The following CNTNAP2 variants were observed in gnomAD, a reference collection of about 807,000 sequenced individuals.
CNTNAP2 encodes contactin-associated protein-like 2.
A neutral mutation model predicts 155.2 loss-of-function variants in CNTNAP2; 98 were observed. The ratio of observed to expected loss-of-function variants is 0.63; its 90% CI spans 0.54 to 0.75. The LOEUF is 0.75. Ranked by LOEUF, CNTNAP2 falls within the 30% of genes least tolerant of loss-of-function variation. The pLI, the probability that CNTNAP2 is intolerant of heterozygous loss-of-function variation, is 0.00. For missense variants in CNTNAP2, 1,727 were observed against 1,688.1 expected (o/e 1.02, Z -0.40); for synonymous variants, 651 against 631.2 (o/e 1.03, Z -0.47).
intron 1 of CNTNAP2, among the ~76,000 whole-genome samples, chr7:146,736,202 A>G (rs1801617488): frequency 6.6e-6 from 1 of 151,896 alleles, no homozygotes; most frequent in South Asian, 2.1e-4. Flanking sequence ...GCCGTTTGAC[A>G]TAAGGGATTT....
At chr7:146,203,042 C>T (rs1470121987) in intron 1 of CNTNAP2, among the ~76,000 whole-genome samples, 2 of 152,112 alleles carry the variant, frequency 1.3e-5, no homozygotes, top group African/African-American at 4.8e-5. Context: ...GCTTTGTTTT[C>T]GTCTCTATAA....
intron 16 of CNTNAP2, among the ~76,000 whole-genome samples, chr7:148,125,405 C>T (rs1563207411): frequency 1.3e-5 from 2 of 152,092 alleles, no homozygotes; most frequent in Non-Finnish European, 2.9e-5. Flanking sequence ...CATCCTCTCC[C>T]TCCTCCCGCC....
chr7:147,003,599 A>G (rs1798468872), intron 3 of CNTNAP2, among the ~76,000 whole-genome samples: 1 of 152,024 alleles, frequency 6.6e-6, no homozygotes, highest in Non-Finnish European at 1.5e-5. Context: ...AAATCAACAA[A>G]TAGATACGCA....
chr7:147,028,583 C>T (rs1011497678), intron 3 of CNTNAP2, among the ~76,000 whole-genome samples: 11 of 152,024 alleles, frequency 7.2e-5, no homozygotes, highest in African/African-American at 2.7e-4. Flanking sequence ...AGGATTTGTC[C>T]CCTGTTAGAC....
chr7:146,333,259 T>G (rs534597050), intron 1 of CNTNAP2, among the ~76,000 whole-genome samples: 2 of 152,126 alleles, frequency 1.3e-5, no homozygotes, highest in African/African-American at 2.4e-5. Context: ...TTTCTTCTTG[T>G]AGAAGAATAG....
chr7:147,195,790 T>C (rs553673097), intron 8 of CNTNAP2, among the ~76,000 whole-genome samples: 1 of 152,196 alleles, frequency 6.6e-6, no homozygotes, highest in South Asian at 2.1e-4. Flanking sequence ...CTGAAGTTGC[T>C]TATCAATTTA....
At chr7:146,766,597 T>C (rs754277546) in intron 1 of CNTNAP2, among the ~76,000 whole-genome samples, 5 of 152,300 alleles carry the variant, frequency 3.3e-5, no homozygotes, top group Admixed American at 6.5e-5. Context: ...TAATATCCTT[T>C]AGCTGTGAGA....
chr7:147,662,875 C>A (rs1795636091), intron 13 of CNTNAP2, among the ~76,000 whole-genome samples: 1 of 152,136 alleles, frequency 6.6e-6, no homozygotes, highest in Admixed American at 6.5e-5. Context: ...GAATATAACT[C>A]CAATTTTTTT....
At chr7:148,039,790 C>T (rs1053566719) in intron 15 of CNTNAP2, among the ~76,000 whole-genome samples, 14 of 152,208 alleles carry the variant, frequency 9.2e-5, no homozygotes, top group Non-Finnish European at 1.8e-4. Flanking sequence ...TCTGCTTTCT[C>T]ATCTAAGAGT....
chr7:147,897,448 T>C lies in CNTNAP2; in HGVS notation c.2099-6117T>C, dbSNP rs549311345. On this transcript the variant is annotated intron_variant, in intron 13 of 23. Coordinates refer to ENST00000361727, the MANE Select transcript of CNTNAP2 (RefSeq NM_014141.6). ...GTTTCTTCTCCTCCACCAAGAGTGT[T>C]AGTGTCCTCTAGTTTCCAAAAACAG... Among the ~76,000 whole-genome samples, 5 of 152,288 alleles carry C rather than the reference T, an allele frequency of 3.3e-5. No individual in the cohort carries two copies. The South Asian group carries it at 1.0e-3, about 32-fold the overall frequency.
chr7:148,017,972 G>A (rs150468447), intron 15 of CNTNAP2, among the ~76,000 whole-genome samples: 1 of 152,270 alleles, frequency 6.6e-6, no homozygotes, highest in Non-Finnish European at 1.5e-5. Flanking sequence ...ATCTTCTTGT[G>A]CAGGTTTTTC....
At position 146,589,712 on chromosome 7, in the gene CNTNAP2, C is replaced by T. The variant is rs113173146; in HGVS notation, c.98-184559C>T. On this transcript the variant is annotated intron_variant, in intron 1 of 23. Coordinates refer to ENST00000361727, the MANE Select transcript of CNTNAP2 (RefSeq NM_014141.6). ...TGTATACTTATGTAACAAACCTGCA[C>T]GTTCTGCACATGTATCCCAGAATGT... 5.9e-3 allele frequency among the ~76,000 whole-genome samples: 887 copies of T among 151,160 alleles called. 7 individuals are homozygous for T. Among genetic ancestry groups the T allele is most frequent in the Non-Finnish European group, 9.2e-3 (625 of 67,856 alleles).
At chr7:147,031,962 T>C (rs930413304) in intron 3 of CNTNAP2, among the ~76,000 whole-genome samples, 2 of 152,146 alleles carry the variant, frequency 1.3e-5, no homozygotes, top group Admixed American at 6.5e-5. Flanking sequence ...CAGAAAAGTG[T>C]ATACACACGG....
At chr7:146,390,972 C>CAAAAATACAAAAATT (rs1447916291) in intron 1 of CNTNAP2, among the ~76,000 whole-genome samples, 37 of 148,838 alleles carry the variant, frequency 2.5e-4, no homozygotes, top group Admixed American at 5.4e-4. Context: ...GAGGCTGAGG[C>CAAAAATACAAAAATT]AGGAGAATTG....
At chr7:147,695,503 A>G (rs1796147638) in intron 13 of CNTNAP2, among the ~76,000 whole-genome samples, 1 of 152,156 alleles carries the variant, frequency 6.6e-6, no homozygotes, top group Non-Finnish European at 1.5e-5. Context: ...TTTTGCTTTA[A>G]GTATTTTTAC....
intron 10 of CNTNAP2, among the ~76,000 whole-genome samples, chr7:147,470,287 A>G (rs547412819): frequency 6.6e-6 from 1 of 152,302 alleles, no homozygotes; most frequent in Admixed American, 6.5e-5. Flanking sequence ...ATAGCAGTAG[A>G]GATGGTAGCT....
At chr7:146,261,941 C>T (rs1213115178) in intron 1 of CNTNAP2, among the ~76,000 whole-genome samples, 1 of 152,128 alleles carries the variant, frequency 6.6e-6, no homozygotes, top group Non-Finnish European at 1.5e-5. Context: ...ACAAGCACCT[C>T]TGAAAAATTT....
At chr7:146,873,240 C>T (rs1177673880) in intron 3 of CNTNAP2, among the ~76,000 whole-genome samples, 1 of 144,188 alleles carries the variant, frequency 6.9e-6, no homozygotes, top group Admixed American at 7.2e-5. Context: ...ATCCCATCTC[C>T]ACCCACACGT....
intron 1 of CNTNAP2, among the ~76,000 whole-genome samples, chr7:146,565,864 C>A (rs1798349142): frequency 6.6e-6 from 1 of 152,234 alleles, no homozygotes; most frequent in Admixed American, 6.5e-5. Context: ...AACTCTCATG[C>A]CTGCTATATT....
Sources: gnomAD v4.1 joint callset for allele counts (sites outside exome capture counted in the v4.1 genomes callset) on GRCh38, gnomAD v4.1.1 for gene constraint, MANE v1.5 for transcripts, NCBI Gene and HGNC (gene_info 2026-07-23, HGNC 2026-07-21) for gene names.